Variants in BABAM2 observed in about 807,000 individuals in gnomAD.
BABAM2 encodes the protein BRISC and BRCA1 A complex member 2, also known as BRISC and BRCA1-A complex member 2.
A neutral mutation model predicts 54.7 loss-of-function variants in BABAM2; 31 were observed. The observed-to-expected ratio is 0.57, with a 90% CI of 0.43 to 0.77. The LOEUF (loss-of-function observed/expected upper bound fraction) is 0.77, where lower values mean the gene tolerates loss of function less well. BABAM2 is among the 30% of genes least tolerant of loss of function. BABAM2 has a pLI of 0.00. For synonymous variants in BABAM2, 167 were observed against 162.9 expected, an observed-to-expected ratio of 1.03 and a Z score of -0.19; for missense variants, 364 against 455.8, an observed-to-expected ratio of 0.80 and a Z score of 1.83.
chr2:28,241,790 G>A (rs1183608703), intron 9 of BABAM2, among the ~76,000 whole-genome samples: 1 of 150,958 alleles, frequency 6.6e-6, no homozygotes, highest in Non-Finnish European at 1.5e-5. Context: ...ACCACACCCA[G>A]CCCCACATGA....
At chr2:28,121,187 G>A (rs1354649272) in intron 6 of BABAM2, among the ~76,000 whole-genome samples, 3 of 152,148 alleles carry the variant, frequency 2.0e-5, no homozygotes, top group African/African-American at 4.8e-5. Flanking sequence ...GTAAAGCCCC[G>A]GGTTTAGCCA....
At chr2:28,173,822 T>C (rs2147858365) in intron 7 of BABAM2, among the ~76,000 whole-genome samples, 1 of 152,358 alleles carries the variant, frequency 6.6e-6, no homozygotes, top group Non-Finnish European at 1.5e-5. Flanking sequence ...TGAAAAGTCC[T>C]GATAGCTTAA....
chr2:28,026,761 C>CTA (rs200879848), intron 5 of BABAM2, among the ~76,000 whole-genome samples: 74,602 of 99,130 alleles, frequency 0.75, 29,078 homozygotes, highest in Middle Eastern at 0.87. Context: ...AAATATATAT[C>CTA]TATATAAATA....
At chr2:27,949,286 A>G (rs945176030) in intron 3 of BABAM2, among the ~76,000 whole-genome samples, 20 of 152,222 alleles carry the variant, frequency 1.3e-4, no homozygotes, top group Admixed American at 8.5e-4. Context: ...TAATCCCAGC[A>G]CTTTGGGAGG....
At chr2:27,979,444 C>A (rs1393581917) in intron 3 of BABAM2, among the ~76,000 whole-genome samples, 1 of 151,802 alleles carries the variant, frequency 6.6e-6, no homozygotes, top group Non-Finnish European at 1.5e-5. Flanking sequence ...GTGTTTTTTT[C>A]ATAGAATGAT....
At chr2:28,160,742 T>TG (rs1673002763) in intron 7 of BABAM2, among the ~76,000 whole-genome samples, 1 of 151,456 alleles carries the variant, frequency 6.6e-6, no homozygotes, top group Non-Finnish European at 1.5e-5. Context: ...ATTGTTTTTT[T>TG]TTTTTTTTTT....
intron 10 of BABAM2, among the ~76,000 whole-genome samples, chr2:28,268,988 T>C (rs1317357679): frequency 6.6e-6 from 1 of 152,218 alleles, no homozygotes; most frequent in Non-Finnish European, 1.5e-5. Context: ...TAAAAGTATC[T>C]CATACCTACA....
chr2:27,989,214 GAC>G (rs1285737543), intron 4 of BABAM2, among the ~76,000 whole-genome samples: 1 of 152,024 alleles, frequency 6.6e-6, no homozygotes, highest in African/African-American at 2.4e-5. Context: ...AAAAAAAAAT[GAC>G]ACAGAGATTT....
chr2:27,934,694 A>G (rs1668366122), intron 3 of BABAM2, among the ~76,000 whole-genome samples: 1 of 152,394 alleles, frequency 6.6e-6, no homozygotes, highest in East Asian at 1.9e-4. Context: ...GTGCTACTCT[A>G]GTAAACACAT....
At chr2:28,060,999 C>G (rs913212659) in intron 6 of BABAM2, among the ~76,000 whole-genome samples, 1 of 151,996 alleles carries the variant, frequency 6.6e-6, no homozygotes, top group Non-Finnish European at 1.5e-5. Context: ...TTTTGAAATA[C>G]CAAGGACCTA....
chr2:28,245,292 A>G (rs1022931863), intron 10 of BABAM2, among the ~76,000 whole-genome samples: 9 of 152,160 alleles, frequency 5.9e-5, no homozygotes, highest in African/African-American at 9.6e-5. Context: ...TCTTTCCAGT[A>G]TCAGGCCTCA....
intron 3 of BABAM2, among the ~76,000 whole-genome samples, chr2:27,979,449 A>C (rs1397857876): frequency 6.6e-6 from 1 of 151,944 alleles, no homozygotes; most frequent in Non-Finnish European, 1.5e-5. Context: ...TTTTTCATAG[A>C]ATGATTTATA....
intron 11 of BABAM2, among the ~76,000 whole-genome samples, chr2:28,311,277 A>G (rs1689067574): frequency 6.6e-6 from 1 of 151,776 alleles, no homozygotes; most frequent in Admixed American, 6.6e-5. Context: ...AAAAAAAAAA[A>G]AAGAACAATC....
chr2:28,065,335 A>G (rs192055125), intron 6 of BABAM2, among the ~76,000 whole-genome samples: 1 of 152,298 alleles, frequency 6.6e-6, no homozygotes, highest in East Asian at 1.9e-4. Context: ...ATCCGGTCAG[A>G]CTGCTCTGGC....
rs1384514255 is a variant in BABAM2, at chr2:28,327,218, C to T, written c.1089-11232C>T. ...CCCATTAGGACTACCCTGTCCCTCC[C>T]TCCATTTAGCCAGCTGGCCCTCCCT... On this transcript the variant is annotated intron_variant, in intron 11 of 11. Transcript: ENST00000379624. 1.4e-5 allele frequency: 22 copies of T among 1,544,442 alleles called. No individual in the cohort carries two copies. In the Admixed American group the frequency reaches 3.6e-4, roughly 25 times the overall value.
chr2:28,206,744 G>A (rs1292650457), intron 7 of BABAM2, among the ~76,000 whole-genome samples: 2 of 152,166 alleles, frequency 1.3e-5, no homozygotes, highest in East Asian at 1.9e-4. Context: ...TTGATTAAAT[G>A]GCAGCACTAG....
chr2:28,102,506 A>G (rs1667172159), intron 6 of BABAM2, among the ~76,000 whole-genome samples: 2 of 152,330 alleles, frequency 1.3e-5, no homozygotes, highest in Admixed American at 6.5e-5. Context: ...CTAAGCTACA[A>G]CTTGGTCATT....
rs1486159233 is a variant in BABAM2 at position 28,182,841 on chromosome 2, G to T, written c.680+53461G>T. 2.0e-5 allele frequency among the ~76,000 whole-genome samples: 3 copies of T among 152,194 alleles called. No homozygotes were observed. The East Asian group carries it at 5.8e-4, about 29-fold the overall frequency. ...TTTCATTATATTTTCTCACTGCACA[G>T]ATTCTTAAAGTATATCTGCTGTTGT... On this transcript the variant is annotated intron_variant, in intron 7 of 11. Coordinates refer to ENST00000379624, the MANE Select transcript of BABAM2 (RefSeq NM_199191.3).
chr2:28,296,844 C>T (rs1274207617), intron 10 of BABAM2, among the ~76,000 whole-genome samples: 40 of 152,180 alleles, frequency 2.6e-4, no homozygotes, highest in Admixed American at 2.0e-3. Flanking sequence ...CTTGCCACCA[C>T]GCCTTGCTAA....
Sources: allele counts gnomAD v4.1 joint callset (sites outside exome capture counted in the v4.1 genomes callset), GRCh38; gene constraint gnomAD v4.1.1; transcripts MANE v1.5; gene names NCBI Gene and HGNC (gene_info 2026-07-23, HGNC 2026-07-21).